USP15: variants seen among roughly 807,000 people sequenced by gnomAD.
USP15 encodes ubiquitin specific peptidase 15.
USP15 carries 18 observed loss-of-function variants against 127.1 expected under a neutral mutation model. The ratio of observed to expected loss-of-function variants is 0.14; its 90% confidence interval spans 0.10 to 0.21. The LOEUF is 0.21. USP15 is among the 10% of genes least tolerant of loss of function. The pLI, the probability that USP15 is intolerant of heterozygous loss-of-function variation, is 1.00. For synonymous variants in USP15, 364 were observed against 393.7 expected, an observed-to-expected ratio of 0.92 and a Z score of 0.89; for missense variants, 805 against 1,159.9, an observed-to-expected ratio of 0.69 and a Z score of 4.44.
Position 62,393,325 on chromosome 12 carries a change from T to C in USP15, c.2570+123T>C, listed in dbSNP as rs192768379. 238 of 1,135,886 alleles carry C rather than the reference T, an allele frequency of 2.1e-4. No individual in the cohort carries two copies. In the African/African-American group the frequency reaches 3.3e-3, roughly 16 times the overall value. The allele number at this position is 1,135,886 out of a possible 1,614,324, so 70.4% of individuals were successfully genotyped here. A position where few individuals can be genotyped will look rare whatever the true frequency, so the allele number is the denominator to read the frequency against. Reference sequence around the variant, plus strand: ...TGGACCCAATTTCAGCTTTCAAGTTTGTTTTTGAGTAGTTCTAACAGTTTA... The same window carrying C: ...TGGACCCAATTTCAGCTTTCAAGTTCGTTTTTGAGTAGTTCTAACAGTTTA... On this transcript the variant is annotated intron_variant, in intron 19 of 21. Transcript: ENST00000280377.
intron 3 of USP15, among the ~76,000 whole-genome samples, chr12:62,303,812 T>C (rs573035456): frequency 6.6e-6 from 1 of 152,336 alleles, no homozygotes; most frequent in East Asian, 1.9e-4. Context: ...AGATCTTGAA[T>C]GTACCTTTTA....
chr12:62,348,170 T>C (rs2065872411), intron 6 of USP15, among the ~76,000 whole-genome samples: 2 of 152,186 alleles, frequency 1.3e-5, no homozygotes, highest in African/African-American at 4.8e-5. Flanking sequence ...ATTGTGTCAC[T>C]GCCCCCCAGC....
In USP15 at chr12:62,410,433, G is replaced by A. The variant is rs1446321606; in HGVS notation, c.*6058G>A. 1 of 151,934 alleles carries A rather than the reference G, an allele frequency of 6.6e-6. No homozygotes were observed. Among genetic ancestry groups the A allele is most frequent in the Non-Finnish European group, 1.5e-5 (1 of 67,964 alleles). 9.4% of individuals were successfully genotyped at this position (151,934 alleles called of 1,614,324 possible). The stretch of plus-strand genomic sequence containing the variant: ...TAGTATTTTTTTTTAATTTGAGAAA[G>A]AATTCCTGTAGGTCTCCCTTAAATA... On this transcript the variant is annotated 3_prime_UTR_variant, in exon 22 of 22. Transcript: ENST00000280377.
At chr12:62,387,742 AGAG>A (rs1269939396) in intron 11 of USP15, among the ~76,000 whole-genome samples, 6 of 152,286 alleles carry the variant, frequency 3.9e-5, no homozygotes, top group African/African-American at 7.2e-5. Context: ...TTTATAAAAT[AGAG>A]GAGAAGGGGA....
At chr12:62,321,789 G>T (rs1226069866) in intron 5 of USP15, among the ~76,000 whole-genome samples, 180 bp downstream of exon 5, 1 of 151,842 alleles carries the variant, frequency 6.6e-6, no homozygotes, top group African/African-American at 2.4e-5. Context: ...CTTGAGCTTG[G>T]GAATAATCTA....
At chr12:62,303,131 C>G (rs980077364) in intron 3 of USP15, 2 of 424,688 alleles carry the variant, frequency 4.7e-6, no homozygotes, top group Non-Finnish European at 8.5e-6. Flanking sequence ...TTGATTAATC[C>G]TCTATATATA....
chr12:62,382,215 C>T (rs2137571582), intron 9 of USP15, among the ~76,000 whole-genome samples: 1 of 151,890 alleles, frequency 6.6e-6, no homozygotes, highest in East Asian at 1.9e-4. Context: ...TGAATTGTTA[C>T]TTATCAAATA....
chr12:62,273,139 T>C (rs2063384326), intron 1 of USP15, among the ~76,000 whole-genome samples: 1 of 145,624 alleles, frequency 6.9e-6, no homozygotes, highest in African/African-American at 2.8e-5. Context: ...ATTCCCAAAG[T>C]CCTTCTGGCC....
Position 62,390,885 on chromosome 12 carries a change from T to C in USP15, c.1866T>C (p.Thr622=), listed in dbSNP as rs761946894. 3.7e-6 allele frequency: 6 copies of C among 1,611,656 alleles called. No homozygotes were observed. Among genetic ancestry groups the C allele is most frequent in the Non-Finnish European group, 4.2e-6 (5 of 1,178,494 alleles). ...LRMCRYVKIS[T]ETEETEGSLH... Reference sequence around the variant, plus strand: ...TAAGCCGATATGTCAAAATATCTACTGAAACTGAAGAAACTGAAGGATCCC... The same window carrying C: ...TAAGCCGATATGTCAAAATATCTACCGAAACTGAAGAAACTGAAGGATCCC... The change falls in exon 15 of 22, where the codon ACT becomes ACC. Residue 622 remains threonine, a synonymous_variant. Transcript: ENST00000280377.
At chr12:62,335,251 C>T (rs2065426017) in intron 6 of USP15, 2 of 1,525,990 alleles carry the variant, frequency 1.3e-6, no homozygotes, top group Non-Finnish European at 1.7e-6. Context: ...GGTTATCATC[C>T]ACAGACTGAC....
chr12:62,378,132 G>A (rs1038400097), intron 8 of USP15, among the ~76,000 whole-genome samples: 3 of 152,100 alleles, frequency 2.0e-5, no homozygotes, highest in South Asian at 2.1e-4. Flanking sequence ...GCTTGAACTC[G>A]GGAGGTGGAG....
At chr12:62,280,147 T>C (rs956772740) in intron 1 of USP15, among the ~76,000 whole-genome samples, 1 of 152,092 alleles carries the variant, frequency 6.6e-6, no homozygotes, top group Admixed American at 6.5e-5. Context: ...ATTTTGTTAT[T>C]AAACTTAATA....
At chr12:62,372,066 T>C (rs1157144549) in intron 8 of USP15, among the ~76,000 whole-genome samples, 2 of 152,142 alleles carry the variant, frequency 1.3e-5, no homozygotes, top group Non-Finnish European at 2.9e-5. Flanking sequence ...TAAAAAAAAT[T>C]AGTTCTTTCA....
intron 5 of USP15, 142 bp from the exon 6 acceptor site, chr12:62,325,730 G>A (rs369654957): frequency 3.4e-6 from 2 of 591,640 alleles, no homozygotes; most frequent in South Asian, 6.7e-5. Flanking sequence ...TCGAAATGCA[G>A]ATTACCTGTT....
chr12:62,286,909 C>G (rs2063805559), intron 1 of USP15, among the ~76,000 whole-genome samples: 1 of 150,306 alleles, frequency 6.7e-6, no homozygotes, highest in Non-Finnish European at 1.5e-5. Flanking sequence ...TGCACTCCAG[C>G]CTGGGCAACA....
intron 4 of USP15, 132 bp from the exon 5 acceptor site, chr12:62,321,332 T>C (rs1186136587): frequency 1.1e-5 from 6 of 556,340 alleles, no homozygotes; most frequent in Non-Finnish European, 1.4e-5. Flanking sequence ...TTGTGTTTTA[T>C]AGATTTATTA....
At chr12:62,329,825 C>T (rs912629510) in intron 6 of USP15, among the ~76,000 whole-genome samples, 2 of 149,446 alleles carry the variant, frequency 1.3e-5, no homozygotes, top group African/African-American at 4.9e-5. Flanking sequence ...TGTGTACTTA[C>T]GATGTGAGTG....
Position 62,414,339 on chromosome 12 carries a change from T to G in USP15, c.*9964T>G, listed in dbSNP as rs2068105574. Reference sequence around the variant, plus strand: ...GCAGAATAAAACAAGGTATGCCTGGTTTTTGTTTTGTTTTGTTTTGAGACA... The same window carrying G: ...GCAGAATAAAACAAGGTATGCCTGGGTTTTGTTTTGTTTTGTTTTGAGACA... On this transcript the variant is annotated 3_prime_UTR_variant, in exon 22 of 22. Transcript: ENST00000280377. The G allele has an allele frequency of 1.3e-5, 2 of 151,734 alleles. No homozygotes were observed. Among genetic ancestry groups the G allele is most frequent in the Non-Finnish European group, 2.9e-5 (2 of 67,858 alleles). 9.4% of individuals were successfully genotyped at this position (151,734 alleles called of 1,614,324 possible).
intron 7 of USP15, chr12:62,354,922 T>C (rs1015076537): frequency 6.5e-6 from 1 of 152,720 alleles, no homozygotes; most frequent in Non-Finnish European, 1.5e-5. Context: ...TCTTACTGTT[T>C]CTACCATTTT....
Sources: allele counts gnomAD v4.1 joint callset (sites outside exome capture counted in the v4.1 genomes callset), GRCh38; gene constraint gnomAD v4.1.1; transcripts MANE v1.5; gene names NCBI Gene and HGNC (gene_info 2026-07-23, HGNC 2026-07-21).